The following FOXP1 variants were observed in gnomAD, a reference collection of about 807,000 sequenced individuals.
The protein encoded by FOXP1 is forkhead box protein P1.
Under a neutral mutation model 98.2 loss-of-function variants are expected in FOXP1, and 15 were observed. The observed-to-expected ratio is 0.15, with a 90% CI of 0.10 to 0.24. The LOEUF is 0.24. Ranked by LOEUF, FOXP1 falls within the 10% of genes least tolerant of loss-of-function variation. The probability of loss-of-function intolerance (pLI) is 1.00; values close to 1 mark genes in which losing one functional copy is unlikely to be tolerated. For synonymous variants in FOXP1, 371 were observed against 314.5 expected, an observed-to-expected ratio of 1.18 and a Z score of -1.90; for missense variants, 633 against 848.5, an observed-to-expected ratio of 0.75 and a Z score of 3.15.
chr3:71,007,641 T>C (rs1192321062), intron 12 of FOXP1, among the ~76,000 whole-genome samples: 4 of 152,156 alleles, frequency 2.6e-5, no homozygotes, highest in African/African-American at 4.8e-5. Context: ...CTTGAAGTGT[T>C]TTCTTAACAT....
chr3:71,569,207 G>T (rs2047142887), intron 2 of FOXP1, among the ~76,000 whole-genome samples: 1 of 152,158 alleles, frequency 6.6e-6, no homozygotes, highest in African/African-American at 2.4e-5. Context: ...GCAGAATAGG[G>T]GTATGAAGGG....
chr3:71,470,611 C>T (rs2089245812), intron 3 of FOXP1, among the ~76,000 whole-genome samples: 1 of 152,096 alleles, frequency 6.6e-6, no homozygotes, highest in Non-Finnish European at 1.5e-5. Context: ...GTGGTGTGCG[C>T]TCCTGTAGTC....
At chr3:71,039,464 C>CAT (rs2048039589) in intron 11 of FOXP1, among the ~76,000 whole-genome samples, 1 of 152,152 alleles carries the variant, frequency 6.6e-6, no homozygotes, top group Non-Finnish European at 1.5e-5. Context: ...ACTGCAGATA[C>CAT]ATAACCTTTT....
chr3:71,301,118 A>G (rs1479872021), intron 4 of FOXP1, among the ~76,000 whole-genome samples: 7 of 152,192 alleles, frequency 4.6e-5, no homozygotes, highest in Non-Finnish European at 1.0e-4. Context: ...GTAAGAGGAA[A>G]TTGGAGGTTT....
At position 71,075,992 on chromosome 3, in the gene FOXP1, T is replaced by A. The variant is rs577250511; in HGVS notation, c.283-22219A>T. The stretch of plus-strand genomic sequence containing the variant: ...GCCTTAGCCTCCCAAAGTGCTGGGA[T>A]TACAGGAGTGAGCCATTGTGCCAGG... On this transcript the variant is annotated intron_variant, in intron 7 of 20. Transcript: ENST00000649528. 3.3e-5 allele frequency among the ~76,000 whole-genome samples: 5 copies of A among 152,296 alleles called. No individual in the cohort carries two copies. The East Asian group carries it at 9.6e-4, about 29-fold the overall frequency.
chr3:71,553,450 G>C (rs2045913592), intron 2 of FOXP1, among the ~76,000 whole-genome samples: 1 of 152,122 alleles, frequency 6.6e-6, no homozygotes, highest in Non-Finnish European at 1.5e-5. Context: ...ACTGGTGAGA[G>C]GCTTCCAAAT....
intron 2 of FOXP1, among the ~76,000 whole-genome samples, chr3:71,525,404 G>T (rs2043300915): frequency 6.6e-6 from 1 of 152,204 alleles, no homozygotes; most frequent in South Asian, 2.1e-4. Context: ...AAAGGCAGTG[G>T]TTTCACTGGC....
At chr3:71,438,637 C>T (rs373036423) in intron 3 of FOXP1, among the ~76,000 whole-genome samples, 1 of 151,928 alleles carries the variant, frequency 6.6e-6, no homozygotes, top group Non-Finnish European at 1.5e-5. Flanking sequence ...TCATTTATAC[C>T]CCCCAGCAGT....
At chr3:71,405,858 A>G (rs1178523914) in intron 3 of FOXP1, among the ~76,000 whole-genome samples, 4 of 151,848 alleles carry the variant, frequency 2.6e-5, no homozygotes, top group Non-Finnish European at 5.9e-5. Context: ...CCTCCCAAGT[A>G]GCTGGGATTA....
intron 2 of FOXP1, among the ~76,000 whole-genome samples, chr3:71,536,440 G>A (rs541428173): frequency 6.6e-6 from 1 of 152,028 alleles, no homozygotes; most frequent in South Asian, 2.1e-4. Flanking sequence ...GCACAGAATC[G>A]GAATTTTAGC....
chr3:71,360,881 CTA>C (rs2078513953), intron 3 of FOXP1: 1 of 152,176 alleles, frequency 6.6e-6, no homozygotes, highest in South Asian at 2.1e-4. Context: ...TCTCCGGAAA[CTA>C]TGTGGGCTGT....
intron 2 of FOXP1, among the ~76,000 whole-genome samples, chr3:71,523,559 T>C (rs954131406): frequency 1.3e-5 from 2 of 152,228 alleles, no homozygotes; most frequent in Admixed American, 6.5e-5. Flanking sequence ...AGCCACTTAA[T>C]TTTTCTTCAT....
intron 5 of FOXP1, among the ~76,000 whole-genome samples, chr3:71,287,303 C>T (rs1252853020): frequency 6.6e-6 from 1 of 152,008 alleles, no homozygotes; most frequent in Admixed American, 6.6e-5. Context: ...GAAACCCTGT[C>T]TCTAAAAACA....
At chr3:71,239,917 A>C (rs919610971) in intron 5 of FOXP1, among the ~76,000 whole-genome samples, 5 of 151,992 alleles carry the variant, frequency 3.3e-5, no homozygotes, top group Non-Finnish European at 7.3e-5. Flanking sequence ...AATACCAGGA[A>C]ATTTCTGCCT....
At chr3:71,556,274 A>G (rs1252243435) in intron 2 of FOXP1, among the ~76,000 whole-genome samples, 5 of 152,148 alleles carry the variant, frequency 3.3e-5, no homozygotes, top group Non-Finnish European at 7.4e-5. Flanking sequence ...AGAATTCTAT[A>G]CCATCTTTCA....
At chr3:71,565,195 T>C (rs1466830209) in intron 2 of FOXP1, among the ~76,000 whole-genome samples, 1 of 151,546 alleles carries the variant, frequency 6.6e-6, no homozygotes, top group Admixed American at 6.6e-5. Flanking sequence ...CATAGTGGAG[T>C]GTTAGGGGTT....
At chr3:71,239,492 C>T (rs192484229) in intron 5 of FOXP1, among the ~76,000 whole-genome samples, 13 of 152,104 alleles carry the variant, frequency 8.5e-5, no homozygotes, top group Admixed American at 5.9e-4. Context: ...TGCAGTGAGC[C>T]GAGATCACGC....
At chr3:71,426,591 TAG>T (rs1198778022) in intron 3 of FOXP1, among the ~76,000 whole-genome samples, 12 of 152,176 alleles carry the variant, frequency 7.9e-5, no homozygotes, top group African/African-American at 2.7e-4. Context: ...GGGAAAGTGC[TAG>T]AGTTTTTCCA....
chr3:71,244,017 C>A (rs1246522827), intron 5 of FOXP1, among the ~76,000 whole-genome samples: 1 of 152,102 alleles, frequency 6.6e-6, no homozygotes, highest in Non-Finnish European at 1.5e-5. Context: ...CCAAACACAC[C>A]TTCACATTAA....
Sources: allele counts gnomAD v4.1 joint callset (sites outside exome capture counted in the v4.1 genomes callset), GRCh38; gene constraint gnomAD v4.1.1; transcripts MANE v1.5; gene names NCBI Gene and HGNC (gene_info 2026-07-23, HGNC 2026-07-21).